The following PHYH variants were observed in gnomAD, a reference collection of about 807,000 sequenced individuals.
PHYH encodes phytanoyl-CoA dioxygenase, peroxisomal.
PHYH carries 32 observed loss-of-function variants against 38.5 expected under a neutral mutation model. The ratio of observed to expected loss-of-function variants is 0.83; its 90% CI spans 0.63 to 1.12. The LOEUF is 1.12. Among genes scored for constraint, PHYH ranks in the 50% most tolerant of loss-of-function variants. PHYH has a pLI of 0.00. For missense variants in PHYH, 426 were observed against 434.8 expected, an observed-to-expected ratio of 0.98 and a Z score of 0.18; for synonymous variants, 166 against 157.9, an observed-to-expected ratio of 1.05 and a Z score of -0.38.
At chr10:13,296,122 C>A (rs1835843010) in intron 2 of PHYH, among the ~76,000 whole-genome samples, 1 of 150,122 alleles carries the variant, frequency 6.7e-6, no homozygotes, top group Non-Finnish European at 1.5e-5. Flanking sequence ...GAGCTCTGAT[C>A]ATGGCACTGC....
At chr10:13,292,278 G>A (rs1292779882) in intron 4 of PHYH, among the ~76,000 whole-genome samples, 4 of 152,200 alleles carry the variant, frequency 2.6e-5, no homozygotes, top group Non-Finnish European at 4.4e-5. Context: ...CATACGAAGA[G>A]TCCCATACAA....
intron 4 of PHYH, 75 bp downstream of exon 4, chr10:13,294,353 G>T: frequency 7.0e-7 from 1 of 1,434,182 alleles, no homozygotes; most frequent in Non-Finnish European, 9.8e-7. Context: ...ACTGCGCCCG[G>T]CCAAATCAGC....
chr10:13,287,335 AAAAAC>A (rs71287346), intron 6 of PHYH, among the ~76,000 whole-genome samples: 2 of 151,514 alleles, frequency 1.3e-5, no homozygotes, highest in African/African-American at 2.4e-5. Flanking sequence ...GAGACTCCTC[AAAAAC>A]AAAACAAAAC....
intron 2 of PHYH, among the ~76,000 whole-genome samples, chr10:13,296,500 T>C (rs1475405073): frequency 6.8e-6 from 1 of 147,822 alleles, no homozygotes; most frequent in African/African-American, 2.5e-5. Context: ...GGGGTGGAGA[T>C]TGCAGTGAGC....
At chr10:13,294,365 G>A in intron 4 of PHYH, 63 bp downstream of exon 4, 1 of 1,515,826 alleles carries the variant, frequency 6.6e-7, no homozygotes, top group South Asian at 1.1e-5. Flanking sequence ...CAAATCAGCG[G>A]GTTTTACAGG....
At chr10:13,296,407 T>A (rs1446120366) in intron 2 of PHYH, among the ~76,000 whole-genome samples, 1 of 150,106 alleles carries the variant, frequency 6.7e-6, no homozygotes, top group African/African-American at 2.5e-5. Flanking sequence ...TGAAACCCCA[T>A]CTCTACTAAA....
At chr10:13,280,903 G>T (rs1835394181) in intron 8 of PHYH, 73 bp downstream of exon 8, 1 of 1,367,906 alleles carries the variant, frequency 7.3e-7, no homozygotes, top group East Asian at 2.3e-5. Context: ...AATAAACTAG[G>T]TATGAGAATT....
chr10:13,295,017 G>GC lies in PHYH; in HGVS notation c.246-422dup, dbSNP rs763996301. On this transcript the variant is annotated intron_variant, in intron 3 of 8. Coordinates refer to ENST00000263038, the MANE Select transcript of PHYH (RefSeq NM_006214.4). ...AGAGGCATGGGATGTGAAGTAAATT[G>GC]CCCCAGGACACATGATATTAAGTGG... 4.1e-4 allele frequency: 128 copies of GC among 315,836 alleles called. 1 individual carries two copies. Among genetic ancestry groups the GC allele is most frequent in the Non-Finnish European group, 6.5e-4 (107 of 165,846 alleles). The allele number at this position is 315,836 out of a possible 1,614,324, so 19.6% of individuals were successfully genotyped here.
rs1383279902 is a variant in PHYH, at chr10:13,288,347, C to T, written c.678+13G>A. ...GAGATTCGGATCAAGACTCAGCCGC[C>T]GGGCAGACCTACCTCCCACTTGGGG... On this transcript the variant is annotated intron_variant, in intron 6 of 8. Coordinates refer to ENST00000263038, the MANE Select transcript of PHYH (RefSeq NM_006214.4). 3.1e-6 allele frequency: 5 copies of T among 1,612,814 alleles called. No individual in the cohort carries two copies. Among genetic ancestry groups the T allele is most frequent in the African/African-American group, 1.3e-5 (1 of 75,032 alleles).
At position 13,283,794 on chromosome 10, in the gene PHYH, T is replaced by C; in HGVS notation, c.724A>G (p.Asn242Asp). Residue 242 changes from asparagine (N) to aspartate (D), a missense_variant, in exon 7 of 9, where the codon AAC becomes GAC. Transcript: ENST00000263038. The stretch of plus-strand genomic sequence containing the variant: ...ATCACCAGGTGCACCCGGGCCTTGT[T>C]TTCCTCGTAGTCCTGGATCCCGTGG... ...MFHGIQDYEENKARVHLVMEK... is the reference protein window; with the variant it reads ...MFHGIQDYEEDKARVHLVMEK... 1.2e-6 allele frequency: 2 copies of C among 1,614,046 alleles called. No homozygotes were observed. The highest frequency in any genetic ancestry group is 1.7e-6 in the Non-Finnish European group (2 of 1,179,962).
At chr10:13,289,353 G>T (rs956035008) in intron 5 of PHYH, among the ~76,000 whole-genome samples, 1 of 151,874 alleles carries the variant, frequency 6.6e-6, no homozygotes, top group South Asian at 2.1e-4. Flanking sequence ...CCGCCACCAC[G>T]CCCGGCTAAT....
At chr10:13,284,290 C>T (rs1413278738) in intron 6 of PHYH, among the ~76,000 whole-genome samples, 4 of 152,166 alleles carry the variant, frequency 2.6e-5, no homozygotes, top group East Asian at 1.9e-4. Context: ...CCACTGCCCT[C>T]CAGCCTGGAC....
intron 2 of PHYH, among the ~76,000 whole-genome samples, chr10:13,296,444 C>A (rs1835853458): frequency 6.6e-6 from 1 of 151,390 alleles, no homozygotes; most frequent in South Asian, 2.1e-4. Context: ...TGCCTGTAAT[C>A]CCAGCTACTC....
rs1019235936 is a variant in PHYH, at chr10:13,277,854, G to A, written c.*447C>T. 8.4e-6 allele frequency: 2 copies of A among 236,950 alleles called. No homozygotes were observed. Among genetic ancestry groups the A allele is most frequent in the South Asian group, 5.6e-5 (1 of 17,740 alleles). 14.7% of individuals were successfully genotyped at this position (236,950 alleles called of 1,614,324 possible). On this transcript the variant is annotated 3_prime_UTR_variant, in exon 9 of 9. Transcript: ENST00000263038. ...TCCATGACACCGTTCCTATGCCCTT[G>A]ACTAGATGTGAATGTATTATACATT... is the stretch of plus-strand genomic sequence containing the variant.
chr10:13,294,632 C>A, intron 3 of PHYH, 36 bp from the exon 4 acceptor site: 1 of 1,601,486 alleles, frequency 6.2e-7, no homozygotes, highest in African/African-American at 1.3e-5. Flanking sequence ...GTCGTTACCG[C>A]TGGCTCCAAG....
intron 6 of PHYH, among the ~76,000 whole-genome samples, chr10:13,287,147 T>C (rs1835571986): frequency 6.6e-6 from 1 of 152,120 alleles, no homozygotes. Flanking sequence ...AGGACCATCC[T>C]GGCCAACATA....
intron 7 of PHYH, 74 bp downstream of exon 7, chr10:13,283,616 A>T: frequency 2.9e-6 from 4 of 1,388,404 alleles, no homozygotes; most frequent in African/African-American, 1.4e-5. Flanking sequence ...AATTAATTTG[A>T]ATTCAATGAA....
At chr10:13,279,336 G>GTTC (rs1357965596) in intron 8 of PHYH, among the ~76,000 whole-genome samples, 1 of 152,094 alleles carries the variant, frequency 6.6e-6, no homozygotes, top group African/African-American at 2.4e-5. Context: ...CTTTTTGAGT[G>GTTC]TTCTACTCTT....
At chr10:13,292,949 A>AG (rs1460074164) in intron 4 of PHYH, among the ~76,000 whole-genome samples, 6 of 148,450 alleles carry the variant, frequency 4.0e-5, no homozygotes, top group African/African-American at 1.2e-4. Flanking sequence ...AAAAAAAAAA[A>AG]AAGAAGAAGA....
Sources: allele counts gnomAD v4.1 joint callset (sites outside exome capture counted in the v4.1 genomes callset), GRCh38; gene constraint gnomAD v4.1.1; transcripts MANE v1.5; gene names NCBI Gene and HGNC (gene_info 2026-07-23, HGNC 2026-07-21).